The following HMGXB4 variants were observed in gnomAD, a reference collection of about 807,000 sequenced individuals.
The protein encoded by HMGXB4 is HMG-box containing 4.
HMGXB4 carries 27 observed loss-of-function variants against 63.9 expected under a neutral mutation model. That is an observed-to-expected ratio of 0.42 (90% CI 0.31 to 0.58). HMGXB4 has a LOEUF of 0.58. Among genes scored for constraint, HMGXB4 ranks in the 20% least tolerant of loss-of-function variants. The pLI is 0.13. For synonymous variants in HMGXB4, 264 were observed against 265.3 expected (o/e 0.99, Z 0.05); for missense variants, 624 against 700.7 (o/e 0.89, Z 1.24).
At chr22:35,258,642 C>G (rs1534877) in intron 1 of HMGXB4, 1 of 152,142 alleles carries the variant, frequency 6.6e-6, no homozygotes, top group African/African-American at 2.4e-5. Context: ...GATTCGGAGT[C>G]ACCGTGTTCG....
At chr22:35,271,988 A>G (rs114318606) in intron 5 of HMGXB4, among the ~76,000 whole-genome samples, 145 of 152,310 alleles carry the variant, frequency 9.5e-4, no homozygotes, top group African/African-American at 3.4e-3. Context: ...TTCAATAAAT[A>G]TTATAATCAT....
intron 3 of HMGXB4, 75 bp from the exon 4 acceptor site, chr22:35,263,721 C>A: frequency 3.1e-6 from 3 of 982,672 alleles, no homozygotes; most frequent in South Asian, 1.3e-5. Flanking sequence ...AATCAAAAAT[C>A]ATCAAAGACA....
chr22:35,261,292 C>T (rs1377510636), intron 1 of HMGXB4, among the ~76,000 whole-genome samples: 1 of 151,860 alleles, frequency 6.6e-6, no homozygotes. Flanking sequence ...AAAAATTAGC[C>T]AGGCTCGGTG....
intron 5 of HMGXB4, among the ~76,000 whole-genome samples, chr22:35,282,397 C>CCTGAGCTT (rs1924319070): frequency 1.3e-5 from 2 of 152,182 alleles, no homozygotes; most frequent in Admixed American, 1.3e-4. Flanking sequence ...AGGATGACCT[C>CCTGAGCTT]GTGATCTGCC....
intron 7 of HMGXB4, among the ~76,000 whole-genome samples, chr22:35,286,498 A>G (rs1196526532): frequency 6.6e-6 from 1 of 152,248 alleles, no homozygotes; most frequent in African/African-American, 2.4e-5. Flanking sequence ...CATCATCCTC[A>G]TCAACCATTA....
chr22:35,264,778 TG>T lies in HMGXB4; in HGVS notation c.394del (p.Glu132ArgfsTer30). 6.2e-7 allele frequency: 1 copy of T among 1,614,064 alleles called. No homozygotes were observed. Among genetic ancestry groups the T allele is most frequent in the Non-Finnish European group, 8.5e-7 (1 of 1,180,002 alleles). On this transcript the variant is annotated frameshift_variant, in exon 5 of 11. Transcript: ENST00000216106. LOFTEE classifies it high-confidence loss of function. ...CAGGCTCCAAGCCCTCCAAAAAGAC[TG>T]GGGAGAAATCCTCTGGCTCTTCAAG... ...AAGSKPSKKT[G>X]EKSSGSSSHS...
intron 5 of HMGXB4, among the ~76,000 whole-genome samples, chr22:35,276,730 A>T (rs372679477): frequency 6.6e-6 from 1 of 152,302 alleles, no homozygotes; most frequent in East Asian, 1.9e-4. Flanking sequence ...AGTAAAGGAG[A>T]TCCAGCACCC....
chr22:35,263,948 C>T, intron 4 of HMGXB4, 74 bp downstream of exon 4: 1 of 1,590,378 alleles, frequency 6.3e-7, no homozygotes, highest in Non-Finnish European at 8.6e-7. Context: ...GGAAAGGGAT[C>T]CAGATGTTGC....
At chr22:35,275,183 G>A (rs969450418) in intron 5 of HMGXB4, among the ~76,000 whole-genome samples, 14 of 141,542 alleles carry the variant, frequency 9.9e-5, no homozygotes, top group Admixed American at 6.1e-4. Flanking sequence ...ACAATGGTGC[G>A]ATCTCAGCTC....
chr22:35,287,406 T>C lies in HMGXB4; in HGVS notation c.1422T>C (p.Thr474=). The C allele has an allele frequency of 6.2e-7, 1 of 1,613,698 alleles. No homozygotes were observed. The highest frequency in any genetic ancestry group is 8.5e-7 in the Non-Finnish European group (1 of 1,179,736). ...AACAGAACAAAGCAGAAGCCACAAC[T>C]GTGAAAAGGAAAGCATCCAGCTCAG... is the stretch of plus-strand genomic sequence containing the variant. The part of the protein sequence containing the change: ...QHKQNKAEAT[T]VKRKASSSEG... The change falls in exon 8 of 11, where the codon ACT becomes ACC. Residue 474 remains threonine, a synonymous_variant. Coordinates refer to ENST00000216106, the MANE Select transcript of HMGXB4 (RefSeq NM_001003681.3).
intron 9 of HMGXB4, among the ~76,000 whole-genome samples, chr22:35,292,250 GTATCT>G (rs757479625): frequency 1.3e-5 from 2 of 152,102 alleles, no homozygotes; most frequent in Non-Finnish European, 2.9e-5. Context: ...GATGCTGTTA[GTATCT>G]TACAGGCACA....
chr22:35,279,677 CTT>C (rs35564206), intron 5 of HMGXB4, among the ~76,000 whole-genome samples: 11 of 55,162 alleles, frequency 2.0e-4, no homozygotes, highest in African/African-American at 5.5e-4. Flanking sequence ...GTCTAGATTC[CTT>C]TTTTTTTTTT....
chr22:35,287,825 G>A (rs1924686610), intron 8 of HMGXB4, among the ~76,000 whole-genome samples: 1 of 152,116 alleles, frequency 6.6e-6, no homozygotes, highest in Non-Finnish European at 1.5e-5. Context: ...GCGCATACCT[G>A]TAATCCCAGC....
chr22:35,250,224 A>G, the HMGXB4 span, among the ~76,000 whole-genome samples: 4 of 152,190 alleles, frequency 2.6e-5, no homozygotes, highest in Non-Finnish European at 5.9e-5. Context: ...GTATAAAGGA[A>G]TACTTGAGAC....
the HMGXB4 span, among the ~76,000 whole-genome samples, chr22:35,245,343 TG>T: frequency 9.2e-3 from 1,350 of 147,008 alleles, 21 homozygotes; most frequent in African/African-American, 0.031. Flanking sequence ...TTTTTTTTTT[TG>T]GCTGAGACTA....
At position 35,286,025 on chromosome 22, in the gene HMGXB4, T is replaced by A. The variant is rs770956095; in HGVS notation, c.1326T>A (p.Ala442=). ...TTGGGGAACTTAGTAAAAAACTGGC[T>A]GAGGTGTGGAAGCAATTACCAGAAA... ...IDFGELSKKL[A]EVWKQLPEKD... The change falls in exon 7 of 11, where the codon GCT becomes GCA. Residue 442 remains alanine, a synonymous_variant. Transcript: ENST00000216106. The A allele has an allele frequency of 1.2e-6, 2 of 1,611,022 alleles. No individual in the cohort carries two copies. Among genetic ancestry groups the A allele is most frequent in the South Asian group, 2.2e-5 (2 of 90,536 alleles).
chr22:35,247,249 T>C, the HMGXB4 span, among the ~76,000 whole-genome samples: 1 of 152,184 alleles, frequency 6.6e-6, no homozygotes, highest in Non-Finnish European at 1.5e-5. Context: ...CTAAGCCTTG[T>C]TGGATGGATC....
chr22:35,267,710 A>G (rs1422630204), intron 5 of HMGXB4, among the ~76,000 whole-genome samples: 1 of 152,150 alleles, frequency 6.6e-6, no homozygotes, highest in East Asian at 1.9e-4. Context: ...ACATTTTATT[A>G]TGAAATTTTT....
chr22:35,262,331 C>T lies in HMGXB4; in HGVS notation c.-60C>T. ...CCTTCTTTGTTTCTCAGACCTGGTC[C>T]TGTAGACGGGAAGGAGCCTGGACAC... On this transcript the variant is annotated 5_prime_UTR_variant, in exon 2 of 11. Transcript: ENST00000216106. 6.4e-7 allele frequency: 1 copy of T among 1,552,274 alleles called. No individual in the cohort carries two copies. Among genetic ancestry groups the T allele is most frequent in the Non-Finnish European group, 8.9e-7 (1 of 1,123,752 alleles).
Sources: gnomAD v4.1 joint callset for allele counts (sites outside exome capture counted in the v4.1 genomes callset) on GRCh38, gnomAD v4.1.1 for gene constraint, MANE v1.5 for transcripts, NCBI Gene and HGNC (gene_info 2026-07-23, HGNC 2026-07-21) for gene names.